Variants in ZNF346 observed in about 807,000 individuals in gnomAD.
The protein encoded by ZNF346 is double-stranded RNA-binding zinc finger protein JAZ.
A neutral mutation model predicts 33.7 loss-of-function variants in ZNF346; 23 were observed. That is an observed-to-expected ratio of 0.68 (90% confidence interval 0.49 to 0.97). The LOEUF is 0.97. ZNF346 is among the 50% of genes least tolerant of loss of function. ZNF346 has a pLI of 0.00. For missense variants in ZNF346, 340 were observed against 371.1 expected (o/e 0.92, Z 0.69); for synonymous variants, 134 against 142.4 (o/e 0.94, Z 0.42).
chr5:177,041,132 A>G lies in ZNF346; in HGVS notation c.182A>G (p.His61Arg). The G allele has an allele frequency of 3.1e-6, 5 of 1,613,592 alleles. No homozygotes were observed. The highest frequency in any genetic ancestry group is 4.2e-6 in the Non-Finnish European group (5 of 1,179,500). Residue 61 changes from histidine (H) to arginine (R), a missense_variant, in exon 2 of 7, where the codon CAC (histidine) becomes CGC (arginine). Transcript: ENST00000358149. ...AQPVGREEVE[H>R]MIQKNQCLFT... ...CTTGTTTTCCCCTCTATAGTGGAGC[A>G]CATGATCCAGAAGAACCAATGTCTC...
chr5:177,060,082 G>T (rs147124737), intron 5 of ZNF346, among the ~76,000 whole-genome samples: 5 of 152,174 alleles, frequency 3.3e-5, no homozygotes, highest in Non-Finnish European at 7.4e-5. Flanking sequence ...TTAGGGCAGC[G>T]GGCCTTCACC....
chr5:177,070,929 G>A (rs1783469767), downstream of ZNF346, among the ~76,000 whole-genome samples: 1 of 152,178 alleles, frequency 6.6e-6, no homozygotes. Flanking sequence ...CACCTGAGGG[G>A]AAGAAATGGA....
intron 3 of ZNF346, among the ~76,000 whole-genome samples, chr5:177,042,462 C>T (rs899640554): frequency 1.3e-5 from 2 of 152,038 alleles, no homozygotes; most frequent in East Asian, 1.9e-4. Context: ...TCTTACTGAT[C>T]GGGTGAGTTT....
At chr5:177,058,688 G>A (rs1288336369) in intron 5 of ZNF346, among the ~76,000 whole-genome samples, 1 of 152,170 alleles carries the variant, frequency 6.6e-6, no homozygotes, top group Admixed American at 6.5e-5. Flanking sequence ...TGATATCACT[G>A]TGGGTCTTTA....
rs919772160 is a variant in ZNF346 at position 177,060,027 on chromosome 5, G to A, written c.704-2031G>A. 9.2e-5 allele frequency among the ~76,000 whole-genome samples: 14 copies of A among 152,306 alleles called. No homozygotes were observed. In the East Asian group the frequency reaches 1.7e-3, roughly 19 times the overall value. ...GTAGGATAGTATGGGACGTAGTGACGCGGAGGACATGAGCAGGTGTCCACG... is the reference window on the plus strand; with the variant it reads ...GTAGGATAGTATGGGACGTAGTGACACGGAGGACATGAGCAGGTGTCCACG... On this transcript the variant is annotated intron_variant, in intron 5 of 6. Coordinates refer to ENST00000358149, the MANE Select transcript of ZNF346 (RefSeq NM_012279.4).
chr5:177,034,277 A>T (rs1321474558), intron 1 of ZNF346, among the ~76,000 whole-genome samples: 1 of 150,508 alleles, frequency 6.6e-6, no homozygotes, highest in African/African-American at 2.5e-5. Context: ...CAGTGGTGTG[A>T]TCACAGCTCA....
rs1157216873 is a variant in ZNF346 at position 177,064,590 on chromosome 5, G to A, written c.876G>A (p.Leu292=). The A allele has an allele frequency of 1.2e-6, 2 of 1,613,904 alleles. No homozygotes were observed. The highest frequency in any genetic ancestry group is 4.5e-5 in the East Asian group (2 of 44,888). ...CCATTCAGAAAGACTCAACCACCTT[G>A]GAAGACTAGAGGTGATTCTGCCCAG... The part of the protein sequence containing the change: ...RQPIQKDSTT[L]ED Residue 292 remains leucine (L), a synonymous_variant, in exon 7 of 7, where the codon TTG becomes TTA. Transcript: ENST00000358149.
chr5:177,072,196 A>G (rs1329972926), downstream of ZNF346, among the ~76,000 whole-genome samples: 1 of 152,268 alleles, frequency 6.6e-6, no homozygotes, highest in East Asian at 1.9e-4. Context: ...AAAGTCTTGC[A>G]GAGCTTACAC....
At chr5:177,073,015 C>T (rs974457042) in intron 8 of ZNF346, among the ~76,000 whole-genome samples, 3 of 152,222 alleles carry the variant, frequency 2.0e-5, no homozygotes, top group African/African-American at 7.2e-5. Context: ...GATCACTGGC[C>T]CCCAAGGCCA....
At chr5:177,024,359 A>T (rs1581762963) in intron 1 of ZNF346, among the ~76,000 whole-genome samples, 1 of 151,690 alleles carries the variant, frequency 6.6e-6, no homozygotes. Context: ...CATGACGCTC[A>T]GCTGATTTTT....
intron 5 of ZNF346, among the ~76,000 whole-genome samples, chr5:177,056,301 G>C (rs889686878): frequency 1.3e-5 from 2 of 152,126 alleles, no homozygotes; most frequent in Admixed American, 1.3e-4. Flanking sequence ...ACAGAAATAG[G>C]AACACTTTTA....
chr5:177,032,073 A>G (rs995690862), intron 1 of ZNF346, among the ~76,000 whole-genome samples: 1 of 129,350 alleles, frequency 7.7e-6, no homozygotes, highest in Non-Finnish European at 1.5e-5. Flanking sequence ...GCACAATCTC[A>G]GCTCACTGCA....
At chr5:177,057,914 T>C (rs1299409749) in intron 5 of ZNF346, among the ~76,000 whole-genome samples, 1 of 150,912 alleles carries the variant, frequency 6.6e-6, no homozygotes, top group South Asian at 2.1e-4. Flanking sequence ...CTCCACCTCC[T>C]GGGTTCAAGC....
In ZNF346 at chr5:177,022,806, C is replaced by T. The variant is rs1039737483; in HGVS notation, c.68C>T (p.Ser23Leu). 1.2e-5 allele frequency: 19 copies of T among 1,543,754 alleles called. No individual in the cohort carries two copies. The highest frequency in any genetic ancestry group is 1.7e-5 in the Non-Finnish European group (19 of 1,145,742). Reference sequence around the variant, plus strand: ...GGAGCGGCCGGGCCTTACAGCAGCTCGGAGTTGCTGGAGGGCCAGGAGCCG... The same window carrying T: ...GGAGCGGCCGGGCCTTACAGCAGCTTGGAGTTGCTGGAGGGCCAGGAGCCG... ...DGGAAGPYSS[S>L]ELLEGQEPDG... The change falls in exon 1 of 7, where the codon TCG (serine) becomes TTG (leucine). Residue 23 changes from serine to leucine, a missense_variant. Coordinates refer to ENST00000358149, the MANE Select transcript of ZNF346 (RefSeq NM_012279.4).
At chr5:177,035,858 C>G (rs1233079627) in intron 1 of ZNF346, among the ~76,000 whole-genome samples, 1 of 151,940 alleles carries the variant, frequency 6.6e-6, no homozygotes, top group African/African-American at 2.4e-5. Context: ...CCAGGCTGGT[C>G]TTGAACTCCT....
exon 9 of ZNF346, chr5:177,080,067 C>T (rs550150467): frequency 1.3e-5 from 2 of 152,452 alleles, no homozygotes; most frequent in African/African-American, 4.8e-5. Context: ...CCCCTCCATC[C>T]ACTTTGGTTT....
intron 6 of ZNF346, 28 bp downstream of exon 6, chr5:177,062,179 G>A: frequency 1.3e-6 from 2 of 1,598,174 alleles, no homozygotes; most frequent in Non-Finnish European, 1.7e-6. Flanking sequence ...GAAATTCTAG[G>A]ATCCATAGCA....
At chr5:177,071,928 G>T (rs1017173969), downstream of ZNF346, among the ~76,000 whole-genome samples, 1 of 152,172 alleles carries the variant, frequency 6.6e-6, no homozygotes, top group African/African-American at 2.4e-5. Context: ...CAAGCTTACT[G>T]TTCATATATG....
At chr5:177,071,405 C>T (rs567010990), downstream of ZNF346, among the ~76,000 whole-genome samples, 7 of 151,058 alleles carry the variant, frequency 4.6e-5, no homozygotes, top group African/African-American at 7.3e-5. Context: ...AGGGGCCAGG[C>T]GCCAGGCGCG....
Sources: gnomAD v4.1 joint callset for allele counts (sites outside exome capture counted in the v4.1 genomes callset) on GRCh38, gnomAD v4.1.1 for gene constraint, MANE v1.5 for transcripts, NCBI Gene and HGNC (gene_info 2026-07-23, HGNC 2026-07-21) for gene names.